The following CTNND2 variants were observed in gnomAD, a reference collection of about 807,000 sequenced individuals.
CTNND2 encodes the protein catenin delta 2, also known as catenin delta-2.
In CTNND2, 22 loss-of-function variants were observed where a neutral mutation model predicts 144.4. That is an observed-to-expected ratio of 0.15 (90% CI 0.11 to 0.22). The LOEUF (loss-of-function observed/expected upper bound fraction) is 0.22. Among genes scored for constraint, CTNND2 ranks in the 10% least tolerant of loss-of-function variants. CTNND2 has a pLI of 1.00. For missense variants in CTNND2, 1,353 were observed against 1,618.8 expected (o/e 0.84, Z 2.82); for synonymous variants, 751 against 695.6 (o/e 1.08, Z -1.25).
intron 3 of CTNND2, among the ~76,000 whole-genome samples, chr5:11,505,606 A>C (rs1770956769): frequency 6.6e-6 from 1 of 152,224 alleles, no homozygotes. Context: ...AAGGAAAACC[A>C]AAAATCCTAA....
At position 10,988,566 on chromosome 5, in the gene CTNND2, G is replaced by A. The variant is rs1424069920; in HGVS notation, c.3212-324C>T. 2.6e-5 allele frequency among the ~76,000 whole-genome samples: 4 copies of A among 152,120 alleles called. No homozygotes were observed. Among genetic ancestry groups the A allele is most frequent in the African/African-American group, 9.7e-5 (4 of 41,412 alleles). On this transcript the variant is annotated intron_variant, in intron 19 of 21. Coordinates refer to ENST00000304623, the MANE Select transcript of CTNND2 (RefSeq NM_001332.4). This position sits in a 1 kb window ranked among gnomAD's most constrained non-coding sequence, Gnocchi z 5.9. The stretch of plus-strand genomic sequence containing the variant: ...TGCCCAAGGTGTGTGGGGCAGTTTA[G>A]GAATGAGACTGCTTTTGGTTTCTTC...
chr5:11,219,456 G>A (rs1739551926), intron 10 of CTNND2, among the ~76,000 whole-genome samples: 1 of 152,138 alleles, frequency 6.6e-6, no homozygotes, highest in African/African-American at 2.4e-5. Flanking sequence ...TTACTTATCA[G>A]TGGACAAGTA....
chr5:11,302,221 C>A (rs911579081), intron 9 of CTNND2, among the ~76,000 whole-genome samples: 1 of 152,108 alleles, frequency 6.6e-6, no homozygotes, highest in Non-Finnish European at 1.5e-5. Context: ...AGAAGGGAAG[C>A]GGGCTTGTGT....
At chr5:11,252,260 T>C (rs1743740819) in intron 9 of CTNND2, among the ~76,000 whole-genome samples, 1 of 152,146 alleles carries the variant, frequency 6.6e-6, no homozygotes. Flanking sequence ...AATGAGAGAC[T>C]TGACAGCCAG....
intron 9 of CTNND2, among the ~76,000 whole-genome samples, chr5:11,345,808 C>T (rs571779246): frequency 6.6e-6 from 1 of 150,686 alleles, no homozygotes; most frequent in South Asian, 2.1e-4. Flanking sequence ...ACAACAACCA[C>T]AAAAAAAAAC....
At chr5:11,281,548 G>T (rs1342304976) in intron 9 of CTNND2, among the ~76,000 whole-genome samples, 1 of 152,196 alleles carries the variant, frequency 6.6e-6, no homozygotes, top group African/African-American at 2.4e-5. Context: ...ATATTAGTTT[G>T]CTAGGGCTAC....
chr5:11,639,847 T>G lies in CTNND2; in HGVS notation c.175-74791A>C, dbSNP rs1003341471. ...AGATCACTCTCAACAGAGCCTTGAA[T>G]GAATTATTACCTATGATGCATGTTG... On this transcript the variant is annotated intron_variant, in intron 2 of 21. Coordinates refer to ENST00000304623, the MANE Select transcript of CTNND2 (RefSeq NM_001332.4). 2.6e-5 allele frequency among the ~76,000 whole-genome samples: 4 copies of G among 152,340 alleles called. 1 individual carries two copies. In the East Asian group the frequency reaches 7.7e-4, roughly 29 times the overall value.
chr5:11,661,828 G>A (rs114968133), intron 2 of CTNND2, among the ~76,000 whole-genome samples: 194 of 151,666 alleles, frequency 1.3e-3, no homozygotes, highest in African/African-American at 4.5e-3. Flanking sequence ...GACTGGTACC[G>A]GCTGGTAGCC....
intron 2 of CTNND2, among the ~76,000 whole-genome samples, chr5:11,717,094 C>T (rs903188435): frequency 3.3e-5 from 5 of 151,818 alleles, no homozygotes; most frequent in African/African-American, 4.8e-5. Flanking sequence ...TCTCAAACTC[C>T]TGACCTCAGG....
chr5:11,369,689 A>C (rs955143624), intron 7 of CTNND2, among the ~76,000 whole-genome samples: 1 of 152,226 alleles, frequency 6.6e-6, no homozygotes, highest in East Asian at 1.9e-4. Context: ...AAGTTATTAC[A>C]TGCAGGAGGA....
chr5:11,182,641 A>G (rs1735208470), intron 11 of CTNND2, among the ~76,000 whole-genome samples: 1 of 152,166 alleles, frequency 6.6e-6, no homozygotes, highest in Non-Finnish European at 1.5e-5. Flanking sequence ...AGGATTGGGT[A>G]ATACTATCTT....
At chr5:11,408,034 G>C (rs776864322) in intron 5 of CTNND2, among the ~76,000 whole-genome samples, 1 of 152,020 alleles carries the variant, frequency 6.6e-6, no homozygotes, top group Non-Finnish European at 1.5e-5. Flanking sequence ...AAGAGATTAT[G>C]ACATTGATTC....
intron 1 of CTNND2, among the ~76,000 whole-genome samples, chr5:11,797,966 T>G (rs1274809077): frequency 1.3e-5 from 2 of 152,064 alleles, no homozygotes; most frequent in Non-Finnish European, 2.9e-5. Flanking sequence ...GTCTTAATAG[T>G]TTGTGTTTTG....
intron 20 of CTNND2, 94 bp from the exon 21 acceptor site, chr5:10,981,940 C>T: frequency 2.9e-6 from 3 of 1,025,930 alleles, no homozygotes; most frequent in Non-Finnish European, 4.5e-6. Context: ...CCTAACAAAG[C>T]TTGTTTTCTT....
At chr5:11,524,148 T>C (rs777995004) in intron 3 of CTNND2, among the ~76,000 whole-genome samples, 21 of 152,234 alleles carry the variant, frequency 1.4e-4, no homozygotes, top group Middle Eastern at 6.8e-3. Flanking sequence ...CTGGAATCTG[T>C]GATCCCCTCA....
intron 1 of CTNND2, among the ~76,000 whole-genome samples, chr5:11,762,707 G>T (rs1000478518): frequency 6.6e-6 from 1 of 152,136 alleles, no homozygotes; most frequent in South Asian, 2.1e-4. Flanking sequence ...TCCTGGAGTT[G>T]CCTGGAGCAG....
intron 9 of CTNND2, among the ~76,000 whole-genome samples, chr5:11,340,282 C>T (rs1433616772): frequency 6.6e-6 from 1 of 152,190 alleles, no homozygotes; most frequent in Non-Finnish European, 1.5e-5. Context: ...TTGTAGATGT[C>T]CCTTTCCCTC....
At chr5:11,050,888 G>A (rs1178916279) in intron 16 of CTNND2, among the ~76,000 whole-genome samples, 1 of 152,150 alleles carries the variant, frequency 6.6e-6, no homozygotes, top group East Asian at 1.9e-4. Context: ...ACTTCTGGTT[G>A]GCTCATAACA....
intron 11 of CTNND2, among the ~76,000 whole-genome samples, chr5:11,180,261 G>A (rs1323297314): frequency 6.6e-6 from 1 of 151,912 alleles, no homozygotes; most frequent in African/African-American, 2.4e-5. Flanking sequence ...CTTCCTTTTG[G>A]CCTTCCGCTA....
Sources: allele counts gnomAD v4.1 joint callset (sites outside exome capture counted in the v4.1 genomes callset), GRCh38; gene constraint gnomAD v4.1.1; non-coding constraint Gnocchi (gnomAD v3.1); transcripts MANE v1.5; gene names NCBI Gene and HGNC (gene_info 2026-07-23, HGNC 2026-07-21).